The following DPYD variants were observed in gnomAD, a reference collection of about 807,000 sequenced individuals.
DPYD encodes dihydropyrimidine dehydrogenase [NADP(+)].
Under a neutral mutation model 116.2 loss-of-function variants are expected in DPYD, and 109 were observed. The ratio of observed to expected loss-of-function variants is 0.94; its 90% confidence interval spans 0.80 to 1.10. The LOEUF is 1.10. DPYD is among the 50% of genes least tolerant of loss of function. The pLI is 0.00. For missense variants in DPYD, 1,302 were observed against 1,254.5 expected, an observed-to-expected ratio of 1.04 and a Z score of -0.57; for synonymous variants, 440 against 432.0, an observed-to-expected ratio of 1.02 and a Z score of -0.23.
At chr1:97,787,762 GAA>G (rs1667116763) in intron 3 of DPYD, among the ~76,000 whole-genome samples, 1 of 152,164 alleles carries the variant, frequency 6.6e-6, no homozygotes. Flanking sequence ...CCTCTTTTCT[GAA>G]AAGAGGTGAA....
intron 3 of DPYD, among the ~76,000 whole-genome samples, chr1:97,773,334 A>G (rs1394515948): frequency 1.3e-5 from 2 of 152,230 alleles, no homozygotes; most frequent in African/African-American, 4.8e-5. Flanking sequence ...TCCACAAGAC[A>G]TATTAGGATA....
Position 97,549,698 on chromosome 1 carries a change from T to C in DPYD, c.1386A>G (p.Pro462=). The C allele has an allele frequency of 1.2e-6, 2 of 1,613,816 alleles. No homozygotes were observed. Among genetic ancestry groups the C allele is most frequent in the Non-Finnish European group, 1.7e-6 (2 of 1,179,836 alleles). The change falls in exon 12 of 23, where the codon CCA becomes CCG. Residue 462 remains proline (P), a synonymous_variant. Coordinates refer to ENST00000370192, the MANE Select transcript of DPYD (RefSeq NM_000110.4). ...SPIKFNRWGL[P]EVDPETMQTS... ...TTTGCATAGTTTCTGGATCTACTTC[T>C]GGGAGACCCCATCTGTTAAATTTTA...
chr1:97,260,304 C>T (rs1294563184), intron 18 of DPYD, among the ~76,000 whole-genome samples: 2 of 151,978 alleles, frequency 1.3e-5, no homozygotes, highest in Non-Finnish European at 2.9e-5. Flanking sequence ...TAACTAGTTA[C>T]ATCAGTTTCT....
chr1:97,784,725 G>C (rs1666930645), intron 3 of DPYD, among the ~76,000 whole-genome samples: 1 of 152,122 alleles, frequency 6.6e-6, no homozygotes, highest in Admixed American at 6.5e-5. Context: ...AAACATGTGA[G>C]GGATGCATAT....
In DPYD at chr1:97,862,724, G is replaced by C. The variant is rs74106278; in HGVS notation, c.150+20540C>G. 3.7e-3 allele frequency among the ~76,000 whole-genome samples: 565 copies of C among 151,962 alleles called. 4 individuals carry two copies. Among genetic ancestry groups the C allele is most frequent in the African/African-American group, 0.013 (547 of 41,510 alleles). ...TATATGTCAAACATAATATCCCACA[G>C]TTAGGGGATATACTTTACTCTCAAT... is the stretch of plus-strand genomic sequence containing the variant. On this transcript the variant is annotated intron_variant, in intron 2 of 22. Transcript: ENST00000370192.
intron 14 of DPYD, among the ~76,000 whole-genome samples, chr1:97,431,984 A>G (rs1675203376): frequency 6.6e-6 from 1 of 151,998 alleles, no homozygotes; most frequent in Non-Finnish European, 1.5e-5. Flanking sequence ...TGCCTAGCTT[A>G]TTTCACTTGA....
chr1:97,149,691 A>G (rs1305275173), intron 20 of DPYD, among the ~76,000 whole-genome samples: 2 of 152,184 alleles, frequency 1.3e-5, no homozygotes, highest in Non-Finnish European at 2.9e-5. Flanking sequence ...CAGTTTAAAA[A>G]TTATTATGAA....
intron 1 of DPYD, among the ~76,000 whole-genome samples, chr1:97,899,548 T>A (rs780069407): frequency 7.9e-5 from 12 of 151,836 alleles, no homozygotes; most frequent in Non-Finnish European, 1.5e-4. Context: ...CTGGAGGTGG[T>A]CTTGGAACCC....
At chr1:97,808,469 C>T (rs2101372860) in intron 3 of DPYD, among the ~76,000 whole-genome samples, 1 of 152,162 alleles carries the variant, frequency 6.6e-6, no homozygotes, top group South Asian at 2.1e-4. Context: ...TATCTGGCAA[C>T]CTTGCCTATT....
chr1:97,236,621 A>G (rs1320310194), intron 18 of DPYD, among the ~76,000 whole-genome samples: 1 of 152,114 alleles, frequency 6.6e-6, no homozygotes, highest in African/African-American at 2.4e-5. Context: ...TATATATACT[A>G]TAATGGTGGA....
chr1:97,903,644 T>C (rs1439243859), intron 1 of DPYD, among the ~76,000 whole-genome samples: 1 of 151,980 alleles, frequency 6.6e-6, no homozygotes, highest in East Asian at 1.9e-4. Flanking sequence ...TCTTTCTTGA[T>C]ACTGTCTTAC....
intron 18 of DPYD, among the ~76,000 whole-genome samples, chr1:97,297,326 T>C (rs1666596255): frequency 6.6e-6 from 1 of 152,194 alleles, no homozygotes; most frequent in Non-Finnish European, 1.5e-5. Context: ...TCAGACACCA[T>C]GTATGTGTCT....
chr1:97,275,729 A>T (rs531328864), intron 18 of DPYD, among the ~76,000 whole-genome samples: 2 of 152,156 alleles, frequency 1.3e-5, no homozygotes, highest in Non-Finnish European at 2.9e-5. Context: ...TAAGCCTAAA[A>T]CCTTGAAGAT....
At chr1:97,770,275 C>G (rs1366995903) in intron 3 of DPYD, among the ~76,000 whole-genome samples, 4 of 152,084 alleles carry the variant, frequency 2.6e-5, no homozygotes, top group Admixed American at 2.6e-4. Flanking sequence ...GGCCACTTTA[C>G]AGGGGTATGA....
chr1:97,478,878 G>A (rs553311422), intron 13 of DPYD, among the ~76,000 whole-genome samples: 8 of 152,232 alleles, frequency 5.3e-5, no homozygotes, highest in East Asian at 1.9e-4. Context: ...TTGCTGCTTC[G>A]CCTTGTAATT....
rs111582712 is a variant in DPYD at position 97,657,183 on chromosome 1, C to T, written c.850+21912G>A. Among the ~76,000 whole-genome samples, 766 of 151,790 alleles carry T rather than the reference C, an allele frequency of 5.0e-3. 5 individuals carry two copies. The highest frequency in any genetic ancestry group is 0.017 in the African/African-American group (724 of 41,398). ...GGGGTTTCACCACGTTGGCCAGGCT[C>T]GCCTTGAACTCTCAACCTCAGGTAA... On this transcript the variant is annotated intron_variant, in intron 8 of 22. Coordinates refer to ENST00000370192, the MANE Select transcript of DPYD (RefSeq NM_000110.4).
intron 3 of DPYD, among the ~76,000 whole-genome samples, chr1:97,785,468 T>A (rs1411549577): frequency 2.6e-5 from 4 of 152,146 alleles, no homozygotes; most frequent in African/African-American, 9.7e-5. Context: ...AATAATTACT[T>A]ACACACATAT....
intron 13 of DPYD, among the ~76,000 whole-genome samples, chr1:97,462,883 A>G (rs1436904954): frequency 5.9e-5 from 9 of 152,230 alleles, no homozygotes; most frequent in Non-Finnish European, 4.4e-5. Flanking sequence ...TTTACAATCT[A>G]TTCTCTCTGT....
At chr1:97,679,069 A>G (rs754800329) in intron 8 of DPYD, 26 bp downstream of exon 8, 1 of 1,098,446 alleles carries the variant, frequency 9.1e-7, no homozygotes, top group South Asian at 1.9e-5. Flanking sequence ...ATTATAAATA[A>G]ATATATTTAA....
Sources: allele counts gnomAD v4.1 joint callset (sites outside exome capture counted in the v4.1 genomes callset), GRCh38; gene constraint gnomAD v4.1.1; transcripts MANE v1.5; gene names NCBI Gene and HGNC (gene_info 2026-07-23, HGNC 2026-07-21).